The following OTOGL variants were observed in gnomAD, a reference collection of about 807,000 sequenced individuals.
The protein encoded by OTOGL is otogelin like.
In OTOGL, 285 loss-of-function variants were observed where a neutral mutation model predicts 318.5. The observed-to-expected ratio is 0.89, with a 90% CI of 0.81 to 0.99. The LOEUF (loss-of-function observed/expected upper bound fraction) is 0.99. OTOGL is among the 50% of genes least tolerant of loss of function. The probability of loss-of-function intolerance (pLI) is 0.00; values close to 1 mark genes in which losing one functional copy is unlikely to be tolerated. For missense variants in OTOGL, 2,899 were observed against 2,845.6 expected (o/e 1.02, Z -0.43); for synonymous variants, 987 against 936.5 (o/e 1.05, Z -0.99).
In OTOGL at chr12:80,267,236, A is replaced by G. The variant is rs754032471; in HGVS notation, c.2391-17A>G. The G allele has an allele frequency of 6.8e-7, 1 of 1,471,432 alleles. No homozygotes were observed. 91.1% of individuals were successfully genotyped at this position (1,471,432 alleles called of 1,614,324 possible). A position where few individuals can be genotyped will look rare whatever the true frequency, so the allele number is the denominator to read the frequency against. ...AAAAAAATTGTATCCTATTTACTTT[A>G]CTTTTTCTTCGTATAGATTCCACTG... On this transcript the variant is annotated splice_polypyrimidine_tract_variant and intron_variant, in intron 21 of 58. Transcript: ENST00000547103.
In OTOGL at chr12:80,377,874, A is replaced by G; in HGVS notation, c.6888A>G (p.Lys2296=). 2 of 1,611,114 alleles carry G rather than the reference A, an allele frequency of 1.2e-6. No homozygotes were observed. Among genetic ancestry groups the G allele is most frequent in the Non-Finnish European group, 8.5e-7 (1 of 1,178,064 alleles). Residue 2296 remains lysine, a synonymous_variant, in exon 59 of 59, where the codon AAA becomes AAG. Transcript: ENST00000547103. The stretch of plus-strand genomic sequence containing the variant: ...TAAATGTTGCATCTTGTGACGGCAA[A>G]TGCCCATCAGCTACCATATATAACA... ...SPINVASCDG[K]CPSATIYNIN...
intron 1 of OTOGL, among the ~76,000 whole-genome samples, chr12:80,147,601 G>A (rs1016390399): frequency 2.6e-5 from 4 of 151,910 alleles, no homozygotes; most frequent in East Asian, 1.9e-4. Flanking sequence ...TTTAATTCCT[G>A]GGTATTCTTG....
intron 44 of OTOGL, among the ~76,000 whole-genome samples, chr12:80,350,587 AATACCC>A (rs1425992280): frequency 1.3e-5 from 2 of 152,188 alleles, no homozygotes; most frequent in African/African-American, 2.4e-5. Flanking sequence ...TCTTTTTGAT[AATACCC>A]ATTCTAACGA....
At chr12:80,286,144 C>A (rs1884604087) in intron 26 of OTOGL, among the ~76,000 whole-genome samples, 1 of 152,000 alleles carries the variant, frequency 6.6e-6, no homozygotes, top group Non-Finnish European at 1.5e-5. Flanking sequence ...TGGTTTTTGT[C>A]ATTGGTTCTG....
At chr12:80,122,261 G>T (rs542974901) in intron 1 of OTOGL, among the ~76,000 whole-genome samples, 1 of 152,182 alleles carries the variant, frequency 6.6e-6, no homozygotes, top group Admixed American at 6.5e-5. Context: ...AGCAAAAAAA[G>T]AAATAAATAC....
At chr12:80,240,691 TAA>T in intron 11 of OTOGL, among the ~76,000 whole-genome samples, 1 of 152,102 alleles carries the variant, frequency 6.6e-6, no homozygotes, top group Non-Finnish European at 1.5e-5. Flanking sequence ...AAGGAAATGC[TAA>T]GTTTCCATTG....
At chr12:80,115,440 A>G (rs1462282385) in intron 1 of OTOGL, among the ~76,000 whole-genome samples, 1 of 152,126 alleles carries the variant, frequency 6.6e-6, no homozygotes, top group African/African-American at 2.4e-5. Flanking sequence ...CATAACAGCA[A>G]AGATTGCTCT....
chr12:80,304,444 T>C (rs1428776952), intron 28 of OTOGL, among the ~76,000 whole-genome samples: 2 of 152,132 alleles, frequency 1.3e-5, no homozygotes, highest in Admixed American at 6.5e-5. Context: ...AAATTGAGAC[T>C]GAGACTCATG....
At chr12:80,189,181 T>C (rs1011242676) in intron 1 of OTOGL, among the ~76,000 whole-genome samples, 3 of 152,220 alleles carry the variant, frequency 2.0e-5, no homozygotes, top group Non-Finnish European at 4.4e-5. Context: ...GAAGGAAGTA[T>C]AGGATTCCAT....
rs561180546 is a variant in OTOGL at position 80,137,165 on chromosome 12, A to G, written c.-20+37560A>G. ...TATTTAATCTCTCAAATTTTATTCT[A>G]TTAAGTCAGTTGTAGCTATCCAAAA... On this transcript the variant is annotated intron_variant, in intron 1 of 58. Transcript: ENST00000547103. 1.1e-4 allele frequency among the ~76,000 whole-genome samples: 17 copies of G among 152,300 alleles called. No individual in the cohort carries two copies. The East Asian group carries it at 2.9e-3, about 26-fold the overall frequency.
chr12:80,321,708 GGC>G (rs772927172), intron 34 of OTOGL, among the ~76,000 whole-genome samples: 1 of 152,148 alleles, frequency 6.6e-6, no homozygotes, highest in Non-Finnish European at 1.5e-5. Context: ...TTCTTACTCT[GGC>G]AACGAGCTCA....
chr12:80,337,074 T>A, intron 42 of OTOGL, 70 bp downstream of exon 42: 2 of 1,183,530 alleles, frequency 1.7e-6, no homozygotes, highest in Non-Finnish European at 1.2e-6. Context: ...TTATTTCCAA[T>A]AAGAGGGAAA....
intron 1 of OTOGL, among the ~76,000 whole-genome samples, chr12:80,200,726 C>T (rs1876396265): frequency 6.6e-6 from 1 of 152,152 alleles, no homozygotes; most frequent in Non-Finnish European, 1.5e-5. Flanking sequence ...CAGAGGCATA[C>T]ATTAATTTGT....
rs767142534 is a variant in OTOGL, at chr12:80,270,183, T to A, written c.2518+29T>A. 6 of 1,558,630 alleles carry A rather than the reference T, an allele frequency of 3.8e-6. No homozygotes were observed. In the African/African-American group the frequency reaches 8.1e-5, roughly 21 times the overall value. On this transcript the variant is annotated intron_variant, in intron 23 of 58. Coordinates refer to ENST00000547103, the MANE Select transcript of OTOGL (RefSeq NM_001378609.3). ...AGATCTTAAAAGATGTTTTCCTGAATGAGGGTTCAGCTCTGATACCACCTC... is the reference window on the plus strand; with the variant it reads ...AGATCTTAAAAGATGTTTTCCTGAAAGAGGGTTCAGCTCTGATACCACCTC...
rs1468341149 is a variant in OTOGL at position 80,378,002 on chromosome 12, T to C, written c.7016T>C (p.Met2339Thr). ...TGCTCAGGAAATGGCACTGAAATTATGTACACTCTCCAGGAACCCATAGAC... is the reference window on the plus strand; with the variant it reads ...TGCTCAGGAAATGGCACTGAAATTACGTACACTCTCCAGGAACCCATAGAC... ...LYCSGNGTEI[M>T]YTLQEPIDCT... Residue 2339 changes from methionine to threonine, a missense_variant, in exon 59 of 59, where the codon ATG becomes ACG. Physicochemically the swap from Met to Thr is moderately conservative, Grantham distance 81 (BLOSUM62 -1). Around this residue, in one of 3 missense-constraint regions of OTOGL, gnomAD observed 289 missense variants for 304.6 expected, o/e 0.95. Coordinates refer to ENST00000547103, the MANE Select transcript of OTOGL (RefSeq NM_001378609.3). The C allele has an allele frequency of 6.3e-7, 1 of 1,597,584 alleles. No individual in the cohort carries two copies. The highest frequency in any genetic ancestry group is 8.5e-7 in the Non-Finnish European group (1 of 1,170,566).
At chr12:80,277,549 A>G (rs1023888112) in intron 24 of OTOGL, among the ~76,000 whole-genome samples, 25 of 150,638 alleles carry the variant, frequency 1.7e-4, no homozygotes, top group Non-Finnish European at 3.1e-4. Context: ...ATTTTTAGAC[A>G]CTTTCAGCGT....
intron 11 of OTOGL, among the ~76,000 whole-genome samples, chr12:80,250,671 A>C (rs1162806499): frequency 6.6e-6 from 1 of 152,098 alleles, no homozygotes; most frequent in Admixed American, 6.6e-5. Flanking sequence ...AAGCTGCAGG[A>C]CTCCCATTAC....
At chr12:80,339,310 T>TTTG in intron 43 of OTOGL, 46 bp downstream of exon 43, 13 of 1,424,688 alleles carry the variant, frequency 9.1e-6, no homozygotes, top group Admixed American at 4.7e-5. Context: ...TTTTTTTTTT[T>TTTG]TTTTTTTTTT....
chr12:80,281,001 C>T (rs1884194213), intron 26 of OTOGL, among the ~76,000 whole-genome samples: 1 of 151,428 alleles, frequency 6.6e-6, no homozygotes, highest in Non-Finnish European at 1.5e-5. Context: ...TCAGCTTGAA[C>T]ACTATTGGTG....
Sources: allele counts gnomAD v4.1 joint callset (sites outside exome capture counted in the v4.1 genomes callset), GRCh38; gene constraint gnomAD v4.1.1; regional missense constraint gnomAD v4.1.1; transcripts MANE v1.5; gene names NCBI Gene and HGNC (gene_info 2026-07-23, HGNC 2026-07-21).